Variants in TRPA1 observed in about 807,000 individuals in gnomAD.
TRPA1 encodes the protein transient receptor potential cation channel subfamily A member 1.
A neutral mutation model predicts 131.3 loss-of-function variants in TRPA1; 129 were observed. That is an observed-to-expected ratio of 0.98 (90% CI 0.85 to 1.14). The LOEUF (loss-of-function observed/expected upper bound fraction) is 1.14. Ranked by LOEUF, TRPA1 falls within the 50% of genes most tolerant of loss-of-function variation. The probability of loss-of-function intolerance (pLI) is 0.00; values close to 1 mark genes in which losing one functional copy is unlikely to be tolerated. For missense variants in TRPA1, 1,304 were observed against 1,354.2 expected (o/e 0.96, Z 0.58); for synonymous variants, 441 against 451.7 (o/e 0.98, Z 0.30).
intron 17 of TRPA1, chr8:72,041,309 A>T (rs1190390938): frequency 6.6e-6 from 1 of 151,996 alleles, no homozygotes. Context: ...GAACAACCAG[A>T]CAGAAGTTCA....
rs1206343812 is a variant in TRPA1, at chr8:72,065,547, C to A, written c.456G>T (p.Glu152Asp). Residue 152 changes from glutamate (E) to aspartate (D), a missense_variant, in exon 4 of 27, where the codon GAG becomes GAT. Coordinates refer to ENST00000262209, the MANE Select transcript of TRPA1 (RefSeq NM_007332.3). ...MNNEVMKVLL[E>D]HRTIDVNLEG... ...CCAAATTAACATCAATAGTTCTATG[C>A]TCAAGCAAGACCTAAAAAAAGGGGA... 1 of 1,612,986 alleles carries A rather than the reference C, an allele frequency of 6.2e-7. No homozygotes were observed. Among genetic ancestry groups the A allele is most frequent in the South Asian group, 1.1e-5 (1 of 91,056 alleles).
the TRPA1 span, among the ~76,000 whole-genome samples, chr8:72,089,653 C>T: frequency 6.6e-6 from 1 of 152,030 alleles, no homozygotes; most frequent in Non-Finnish European, 1.5e-5. Context: ...ACAAGCTTCT[C>T]AGTGAATTCT....
rs372613225 is a variant in TRPA1, at chr8:72,053,742, G to T, written c.1644+11C>A. 8.1e-6 allele frequency: 13 copies of T among 1,595,492 alleles called. No individual in the cohort carries two copies. Among genetic ancestry groups the T allele is most frequent in the Non-Finnish European group, 1.1e-5 (13 of 1,165,006 alleles). ...GAGATTTTGGGTAAGCATGAGGACCGCAGTACATACCCCGTCTTCATCCAG... is the reference window on the plus strand; with the variant it reads ...GAGATTTTGGGTAAGCATGAGGACCTCAGTACATACCCCGTCTTCATCCAG... On this transcript the variant is annotated intron_variant, in intron 13 of 26. Coordinates refer to ENST00000262209, the MANE Select transcript of TRPA1 (RefSeq NM_007332.3).
In TRPA1 at chr8:72,021,917, A is replaced by C. The variant is rs994348238; in HGVS notation, c.*989T>G. On this transcript the variant is annotated 3_prime_UTR_variant, in exon 27 of 27. Transcript: ENST00000262209. ...CATAATAACATCTGTGTAAATAATA[A>C]CAGACTCAAAACAACACTGTACAAC... 1.3e-5 allele frequency: 2 copies of C among 152,320 alleles called. No homozygotes were observed. Among genetic ancestry groups the C allele is most frequent in the African/African-American group, 4.8e-5 (2 of 41,576 alleles). The allele number at this position is 152,320 out of a possible 1,614,324, so 9.4% of individuals were successfully genotyped here.
chr8:72,057,027 A>C lies in TRPA1; in HGVS notation c.1094-10T>G, dbSNP rs1256542685. 5 of 1,565,664 alleles carry C rather than the reference A, an allele frequency of 3.2e-6. No individual in the cohort carries two copies. ...ATGTCTACTTGGGCACCTAAAAAAAAACACTATGTAAATATAAATTCTATT... is the reference window on the plus strand; with the variant it reads ...ATGTCTACTTGGGCACCTAAAAAAACACACTATGTAAATATAAATTCTATT... On this transcript the variant is annotated splice_polypyrimidine_tract_variant and intron_variant, in intron 9 of 26. Coordinates refer to ENST00000262209, the MANE Select transcript of TRPA1 (RefSeq NM_007332.3).
chr8:72,042,369 C>A (rs117165374), intron 17 of TRPA1, among the ~76,000 whole-genome samples: 471 of 152,022 alleles, frequency 3.1e-3, no homozygotes, highest in Non-Finnish European at 5.7e-3. Flanking sequence ...CGAGATACCA[C>A]TTCGCATCCG....
intron 12 of TRPA1, 28 bp from the exon 13 acceptor site, chr8:72,053,895 G>T: frequency 6.5e-7 from 1 of 1,538,622 alleles, no homozygotes; most frequent in East Asian, 2.3e-5. Flanking sequence ...AAAGATGTGT[G>T]CATACACTTA....
chr8:72,034,720 G>A (rs190594661), intron 21 of TRPA1, among the ~76,000 whole-genome samples: 12 of 152,234 alleles, frequency 7.9e-5, no homozygotes, highest in Non-Finnish European at 1.2e-4. Flanking sequence ...TCAGCTTCCC[G>A]AGTAGCCGGG....
At chr8:72,050,091 C>T (rs1337302437) in intron 15 of TRPA1, among the ~76,000 whole-genome samples, 1 of 152,100 alleles carries the variant, frequency 6.6e-6, no homozygotes, top group East Asian at 1.9e-4. Context: ...TATCACTCCC[C>T]TCTCCCCCCA....
At chr8:72,037,232 T>C (rs1450138490) in intron 20 of TRPA1, among the ~76,000 whole-genome samples, 1 of 152,180 alleles carries the variant, frequency 6.6e-6, no homozygotes, top group Non-Finnish European at 1.5e-5. Context: ...AATTTATAAA[T>C]GCAAATATCT....
intron 22 of TRPA1, 105 bp from the exon 23 acceptor site, chr8:72,033,931 A>T: frequency 8.9e-7 from 1 of 1,120,198 alleles, no homozygotes; most frequent in Non-Finnish European, 1.3e-6. Context: ...ACTTTTTTAA[A>T]GTCATAGGCA....
the TRPA1 span, among the ~76,000 whole-genome samples, chr8:72,084,456 CT>C: frequency 6.6e-6 from 1 of 150,684 alleles, no homozygotes; most frequent in African/African-American, 2.4e-5. Context: ...AAGGAAACAA[CT>C]TTTGGTTTTA....
At position 72,036,349 on chromosome 8, in the gene TRPA1, A is replaced by T. The variant is rs1241512019; in HGVS notation, c.2494T>A (p.Trp832Arg). 1.9e-6 allele frequency: 3 copies of T among 1,614,078 alleles called. No individual in the cohort carries two copies. Among genetic ancestry groups the T allele is most frequent in the South Asian group, 1.1e-5 (1 of 91,084 alleles). The change falls in exon 21 of 27, where the codon TGG becomes AGG. Residue 832 changes from tryptophan (W) to arginine (R), a missense_variant. By Grantham distance (101) the Trp-to-Arg change is moderately radical (BLOSUM62 -3). Coordinates refer to ENST00000262209, the MANE Select transcript of TRPA1 (RefSeq NM_007332.3). ...TAAACAGCAATTGCTCCACATTGCC[A>T]CTGCAGATGAGCTGGTATTTCAACA... The part of the protein sequence containing the change: ...LFVEIPAHLQ[W>R]QCGAIAVYFY...
intron 5 of TRPA1, 71 bp from the exon 6 acceptor site, chr8:72,063,015 A>T (rs1805844803): frequency 1.4e-6 from 2 of 1,416,532 alleles, no homozygotes; most frequent in Admixed American, 4.0e-5. Flanking sequence ...TTGTTAAAAA[A>T]TATGAACAAA....
chr8:72,029,139 T>A (rs13258396), intron 24 of TRPA1, among the ~76,000 whole-genome samples: 6,067 of 152,246 alleles, frequency 0.04, 180 homozygotes, highest in Middle Eastern at 0.14. Context: ...TACATCAAAT[T>A]GTCTATAAAA....
rs200303520 is a variant in TRPA1 at position 72,061,575 on chromosome 8, A to G, written c.944+50T>C. ...ACTGCTCCTTGCAATGTCTAATTTC[A>G]CTCATGAAGATGAAAAATCTGTATA... On this transcript the variant is annotated intron_variant, in intron 7 of 26. Coordinates refer to ENST00000262209, the MANE Select transcript of TRPA1 (RefSeq NM_007332.3). 1.7e-4 allele frequency: 274 copies of G among 1,610,568 alleles called. 2 individuals are homozygous for G. The East Asian group carries it at 6.1e-3, about 36-fold the overall frequency.
intron 7 of TRPA1, among the ~76,000 whole-genome samples, chr8:72,061,339 T>C (rs149430614): frequency 7.6e-4 from 116 of 152,292 alleles, no homozygotes; most frequent in African/African-American, 2.6e-3. Context: ...ACCGTGTATG[T>C]AGACTTCTTT....
intron 24 of TRPA1, 111 bp downstream of exon 24, chr8:72,029,790 T>C (rs949315919): frequency 9.8e-7 from 1 of 1,015,440 alleles, no homozygotes; most frequent in Admixed American, 2.0e-5. Flanking sequence ...AGTATAAATT[T>C]ATAACTGGCA....
At chr8:72,047,620 T>G (rs755322017) in intron 15 of TRPA1, among the ~76,000 whole-genome samples, 10 of 152,126 alleles carry the variant, frequency 6.6e-5, no homozygotes, top group Non-Finnish European at 8.8e-5. Flanking sequence ...CACCCACATA[T>G]TTCCATAAGT....
Sources: gnomAD v4.1 joint callset for allele counts (sites outside exome capture counted in the v4.1 genomes callset) on GRCh38, gnomAD v4.1.1 for gene constraint, MANE v1.5 for transcripts, NCBI Gene and HGNC (gene_info 2026-07-23, HGNC 2026-07-21) for gene names.